VEPH1: variants seen among roughly 807,000 people sequenced by gnomAD.
The protein encoded by VEPH1 is ventricular zone expressed PH domain containing 1.
In VEPH1, 80 loss-of-function variants were observed where a neutral mutation model predicts 85.2. That is an observed-to-expected ratio of 0.94 (90% CI 0.78 to 1.13). The LOEUF (loss-of-function observed/expected upper bound fraction) is 1.13, where lower values mean the gene tolerates loss of function less well. VEPH1 is among the 50% of genes most tolerant of loss of function. VEPH1 has a pLI of 0.00. For synonymous variants in VEPH1, 297 were observed against 348.0 expected, an observed-to-expected ratio of 0.85 and a Z score of 1.63; for missense variants, 955 against 980.5, an observed-to-expected ratio of 0.97 and a Z score of 0.35.
chr3:157,488,910 TTCTCTCTCTCTCTCTC>T (rs58292793), intron 2 of VEPH1: 13 of 127,582 alleles, frequency 1.0e-4, no homozygotes, highest in South Asian at 8.4e-4. Flanking sequence ...CTTAAGTTCG[TTCTCTCTCTCTCTCTC>T]TCTCTCTCTC....
intron 6 of VEPH1, among the ~76,000 whole-genome samples, chr3:157,391,266 G>A (rs1729828455): frequency 6.6e-6 from 1 of 152,214 alleles, no homozygotes; most frequent in Admixed American, 6.5e-5. Context: ...AGCTGCCAAA[G>A]CAGCACCAAA....
At chr3:157,313,507 TAAAA>T (rs1720370933) in intron 11 of VEPH1, 110 bp downstream of exon 11, 4 of 1,246,044 alleles carry the variant, frequency 3.2e-6, no homozygotes, top group Non-Finnish European at 4.4e-6. Context: ...ATGATAATAA[TAAAA>T]GAAAGGTAAA....
chr3:157,359,830 A>C (rs564961610), intron 9 of VEPH1, among the ~76,000 whole-genome samples: 1 of 152,364 alleles, frequency 6.6e-6, no homozygotes, highest in South Asian at 2.1e-4. Context: ...CCAACCTAAC[A>C]TCAAAAGAAT....
At chr3:157,426,998 T>G (rs2316711) in intron 5 of VEPH1, among the ~76,000 whole-genome samples, 67,373 of 150,754 alleles carry the variant, frequency 0.45, 15,841 homozygotes, top group Admixed American at 0.58. Context: ...TTTTCTTTTT[T>G]TTTTTTTGAG....
chr3:157,323,438 T>C (rs1010973244), intron 9 of VEPH1, among the ~76,000 whole-genome samples: 4 of 152,208 alleles, frequency 2.6e-5, no homozygotes, highest in African/African-American at 9.6e-5. Flanking sequence ...GTTGAGAATC[T>C]AGGACACGTA....
intron 2 of VEPH1, among the ~76,000 whole-genome samples, chr3:157,473,068 T>G (rs1737116003): frequency 1.1e-5 from 1 of 90,420 alleles, no homozygotes; most frequent in Non-Finnish European, 2.0e-5. Context: ...TAAATGAACC[T>G]TTTTTTTTTT....
intron 11 of VEPH1, among the ~76,000 whole-genome samples, chr3:157,292,658 C>T (rs541072102): frequency 1.3e-5 from 2 of 151,534 alleles, no homozygotes; most frequent in South Asian, 4.2e-4. Context: ...CACCACTGCA[C>T]TGCAGTCTGG....
chr3:157,458,428 G>A (rs1735556435), intron 4 of VEPH1, among the ~76,000 whole-genome samples: 1 of 152,092 alleles, frequency 6.6e-6, no homozygotes, highest in South Asian at 2.1e-4. Context: ...TTGTTAAATT[G>A]AGATCTTTCT....
At chr3:157,425,189 G>A (rs1015208559) in intron 5 of VEPH1, among the ~76,000 whole-genome samples, 1 of 152,228 alleles carries the variant, frequency 6.6e-6, no homozygotes, top group Non-Finnish European at 1.5e-5. Flanking sequence ...TCCATGTGGT[G>A]TTGATCCTGT....
chr3:157,349,280 A>C (rs1449546621), intron 9 of VEPH1, among the ~76,000 whole-genome samples: 1 of 152,240 alleles, frequency 6.6e-6, no homozygotes, highest in Non-Finnish European at 1.5e-5. Flanking sequence ...AAGAACAAAA[A>C]CCAGATGATT....
chr3:157,491,271 A>T (rs910619028), intron 2 of VEPH1, among the ~76,000 whole-genome samples: 3 of 152,084 alleles, frequency 2.0e-5, no homozygotes, highest in Non-Finnish European at 2.9e-5. Context: ...AATAAAGAGA[A>T]CTGGAAGGCG....
chr3:157,367,587 G>T (rs949290587), intron 7 of VEPH1, among the ~76,000 whole-genome samples: 22 of 152,186 alleles, frequency 1.4e-4, no homozygotes, highest in African/African-American at 5.1e-4. Flanking sequence ...TATAGCTGGG[G>T]TCATTAAAAC....
intron 9 of VEPH1, among the ~76,000 whole-genome samples, chr3:157,360,584 T>G (rs1399818183): frequency 6.6e-6 from 1 of 152,160 alleles, no homozygotes; most frequent in Non-Finnish European, 1.5e-5. Context: ...TTGAAAATCT[T>G]ACATCAAAAA....
chr3:157,283,439 G>A (rs974160189), intron 12 of VEPH1, among the ~76,000 whole-genome samples: 2 of 152,074 alleles, frequency 1.3e-5, no homozygotes, highest in African/African-American at 4.8e-5. Flanking sequence ...ATCATGTCAG[G>A]GCCTCTACAT....
At chr3:157,459,859 C>CTGT in intron 4 of VEPH1, 1 of 1,536,942 alleles carries the variant, frequency 6.5e-7, no homozygotes, top group Non-Finnish European at 8.7e-7. Flanking sequence ...ACTCAGTACA[C>CTGT]AGAGATAAGA....
intron 11 of VEPH1, among the ~76,000 whole-genome samples, chr3:157,303,327 C>T (rs1315206101): frequency 2.6e-5 from 4 of 152,106 alleles, no homozygotes; most frequent in South Asian, 4.1e-4. Context: ...GTATTTGTTT[C>T]TTAGTGTATT....
chr3:157,457,845 C>A (rs967511274), intron 4 of VEPH1, among the ~76,000 whole-genome samples: 1 of 152,028 alleles, frequency 6.6e-6, no homozygotes, highest in Non-Finnish European at 1.5e-5. Context: ...TGTGTCTCTG[C>A]CAGATTTTGG....
chr3:157,431,542 A>G (rs914112448), intron 4 of VEPH1, among the ~76,000 whole-genome samples: 2 of 152,122 alleles, frequency 1.3e-5, no homozygotes, highest in African/African-American at 4.8e-5. Flanking sequence ...ATCTAGGATT[A>G]TCTCCCTATC....
chr3:157,352,360 G>A (rs1390444375), intron 9 of VEPH1, among the ~76,000 whole-genome samples: 1 of 151,998 alleles, frequency 6.6e-6, no homozygotes, highest in Non-Finnish European at 1.5e-5. Flanking sequence ...ATTTTTATAG[G>A]CTGCTTCACG....
Sources: gnomAD v4.1 joint callset for allele counts (sites outside exome capture counted in the v4.1 genomes callset) on GRCh38, gnomAD v4.1.1 for gene constraint, MANE v1.5 for transcripts, NCBI Gene and HGNC (gene_info 2026-07-23, HGNC 2026-07-21) for gene names.